The following CTBP1 variants were observed in gnomAD, a reference collection of about 807,000 sequenced individuals.
The protein encoded by CTBP1 is C-terminal-binding protein 1.
Under a neutral mutation model 42.1 loss-of-function variants are expected in CTBP1, and 11 were observed. That is an observed-to-expected ratio of 0.26 (90% CI 0.16 to 0.43). The LOEUF is 0.43. Ranked by LOEUF, CTBP1 falls within the 20% of genes least tolerant of loss-of-function variation. The pLI, the probability that CTBP1 is intolerant of heterozygous loss-of-function variation, is 1.00. For synonymous variants in CTBP1, 324 were observed against 277.1 expected (o/e 1.17, Z -1.68); for missense variants, 399 against 624.3 (o/e 0.64, Z 3.85).
At chr4:1,216,346 GC>G in intron 5 of CTBP1, 141 bp from the exon 6 acceptor site, 1 of 807,702 alleles carries the variant, frequency 1.2e-6, no homozygotes, top group Non-Finnish European at 1.9e-6. Flanking sequence ...AAGCCAAGGT[GC>G]CCACGCACGC....
At chr4:1,243,687 C>G in intron 1 of CTBP1, 1 of 985,466 alleles carries the variant, frequency 1.0e-6, no homozygotes, top group South Asian at 4.7e-5. Flanking sequence ...CGCCAGGGAG[C>G]TGGCCTCCTA....
chr4:1,213,387 G>A (rs543476667), intron 8 of CTBP1, 91 bp downstream of exon 8: 2 of 1,571,328 alleles, frequency 1.3e-6, no homozygotes, highest in East Asian at 4.5e-5. Context: ...GGCAGAACAT[G>A]GGCCTGGCTG....
At chr4:1,219,894 C>T (rs1167838692) in intron 5 of CTBP1, among the ~76,000 whole-genome samples, 3 of 152,204 alleles carry the variant, frequency 2.0e-5, no homozygotes, top group African/African-American at 7.2e-5. Flanking sequence ...GTATTTCTAC[C>T]TACTAATAAC....
Position 1,238,672 on chromosome 4 carries a change from A to G in CTBP1, c.8-335T>C, listed in dbSNP as rs1474663573. Among the ~76,000 whole-genome samples the G allele has an allele frequency of 6.8e-6, 1 of 147,246 alleles. No individual in the cohort carries two copies. The highest frequency in any genetic ancestry group is 2.0e-4 in the East Asian group (1 of 5,032). On this transcript the variant is annotated intron_variant, in intron 2 of 9. Coordinates refer to ENST00000382952, the MANE Select transcript of CTBP1 (RefSeq NM_001012614.2). This position sits in a 1 kb window ranked among gnomAD's most constrained non-coding sequence, Gnocchi z 5.9. Reference sequence around the variant, plus strand: ...CCTCTGAGACCCTCTCACACCCTCCAAGACCCTCCGAGACCCCCCAAGAAA... The same window carrying G: ...CCTCTGAGACCCTCTCACACCCTCCGAGACCCTCCGAGACCCCCCAAGAAA...
At chr4:1,243,993 T>C in intron 1 of CTBP1, 1 of 985,442 alleles carries the variant, frequency 1.0e-6, no homozygotes. Flanking sequence ...CCTATTTTCC[T>C]GTAAATCTAA....
At chr4:1,247,876 A>G (rs1157514316) in intron 1 of CTBP1, among the ~76,000 whole-genome samples, 3 of 152,050 alleles carry the variant, frequency 2.0e-5, no homozygotes, top group African/African-American at 7.2e-5. Context: ...CACTCAGGGC[A>G]CCGGGAAGGG....
chr4:1,228,403 C>G (rs528611249), intron 3 of CTBP1, 60 bp from the exon 4 acceptor site: 4 of 1,574,876 alleles, frequency 2.5e-6, no homozygotes, highest in Admixed American at 3.5e-5. Context: ...GCTTGGCCTT[C>G]GGGGGTGGGG....
intron 4 of CTBP1, among the ~76,000 whole-genome samples, chr4:1,226,503 C>G (rs1271936555): frequency 6.6e-6 from 1 of 151,484 alleles, no homozygotes; most frequent in Admixed American, 6.6e-5. Flanking sequence ...ACACAACTCA[C>G]TTGGACGTAA....
At position 1,218,766 on chromosome 4, in the gene CTBP1, A is replaced by C. The variant is rs1027714700; in HGVS notation, c.515-2561T>G. On this transcript the variant is annotated intron_variant, in intron 5 of 9. Transcript: ENST00000382952. ...GTTATGAAGGCGTATCCTAATCTCT[A>C]AAGTAAAACTAAACACGATCACTAA... Among the ~76,000 whole-genome samples the C allele has an allele frequency of 2.0e-5, 3 of 152,178 alleles. No homozygotes were observed. The South Asian group carries it at 6.2e-4, about 32-fold the overall frequency.
chr4:1,216,087 G>C lies in CTBP1; in HGVS notation c.633C>G (p.Thr211=). The part of the protein sequence containing the change: ...ERALGLQRVS[T]LQDLLFHSDC... ...CGCTGTGGAAGAGCAGGTCCTGCAG[G>C]GTGCTGACACGCTGCAGCCCCAGCG... The change falls in exon 6 of 10, where the codon ACC becomes ACG. Residue 211 remains threonine (T), a synonymous_variant. Transcript: ENST00000382952. 6.2e-7 allele frequency: 1 copy of C among 1,611,550 alleles called. No homozygotes were observed. The highest frequency in any genetic ancestry group is 8.5e-7 in the Non-Finnish European group (1 of 1,179,904).
chr4:1,248,477 C>G (rs1454894923), intron 1 of CTBP1, among the ~76,000 whole-genome samples: 1 of 150,648 alleles, frequency 6.6e-6, no homozygotes, highest in Non-Finnish European at 1.5e-5. Flanking sequence ...CAGGACACCC[C>G]GAGCTGCGCA....
At position 1,241,960 on chromosome 4, in the gene CTBP1, C is replaced by A. The variant is rs1647386253; in HGVS notation, c.-188-441G>T. ...GTCACTGATTCCCGGGCCTCTGTGA[C>A]CAGGCAAGGACGTGGAACTTCCCAG... On this transcript the variant is annotated intron_variant, in intron 1 of 9. Coordinates refer to ENST00000382952, the MANE Select transcript of CTBP1 (RefSeq NM_001012614.2). The A allele has an allele frequency of 9.8e-6, 10 of 1,022,604 alleles. No homozygotes were observed. The South Asian group carries it at 3.4e-4, about 35-fold the overall frequency. 63.3% of individuals were successfully genotyped at this position (1,022,604 alleles called of 1,614,324 possible).
chr4:1,248,869 G>GC, intron 1 of CTBP1, 47 bp downstream of exon 1: 2 of 319,330 alleles, frequency 6.3e-6, no homozygotes, highest in Non-Finnish European at 8.6e-6. Flanking sequence ...CACCCGCCCC[G>GC]CCCCGCCCCC....
At position 1,222,724 on chromosome 4, in the gene CTBP1, G is replaced by A. The variant is rs1044912028; in HGVS notation, c.514+2636C>T. ...ACCCCCACTCAGCACGGGGCCCTGGGAGGGGCTGGTTGGGCCCAGCTCCAC... is the reference window on the plus strand; with the variant it reads ...ACCCCCACTCAGCACGGGGCCCTGGAAGGGGCTGGTTGGGCCCAGCTCCAC... On this transcript the variant is annotated intron_variant, in intron 5 of 9. Transcript: ENST00000382952. 9.2e-5 allele frequency among the ~76,000 whole-genome samples: 14 copies of A among 152,292 alleles called. 1 individual carries two copies. The highest frequency in any genetic ancestry group is 1.9e-4 in the East Asian group (1 of 5,174).
Position 1,238,474 on chromosome 4 carries a change from T to TA in CTBP1, c.8-138dup, listed in dbSNP as rs1160771936. The TA allele has an allele frequency of 5.8e-5, 62 of 1,075,530 alleles. No homozygotes were observed. Among genetic ancestry groups the TA allele is most frequent in the Non-Finnish European group, 7.4e-5 (58 of 784,940 alleles). 66.6% of individuals were successfully genotyped at this position (1,075,530 alleles called of 1,614,324 possible). On this transcript the variant is annotated intron_variant, in intron 2 of 9. Coordinates refer to ENST00000382952, the MANE Select transcript of CTBP1 (RefSeq NM_001012614.2). The surrounding 1 kb of genome is among the most constrained non-coding windows in gnomAD (Gnocchi z 5.9). ...TCTGGTCTATATGTTGTGATATTTG[T>TA]AAAAAGTAAATTAAAAATCCACGTG...
At position 1,230,459 on chromosome 4, in the gene CTBP1, G is replaced by A. The variant is rs138423550; in HGVS notation, c.163-2116C>T. Among the ~76,000 whole-genome samples, 256 of 152,332 alleles carry A rather than the reference G, an allele frequency of 1.7e-3. 1 individual carries two copies. The highest frequency in any genetic ancestry group is 3.1e-3 in the Non-Finnish European group (210 of 68,018). On this transcript the variant is annotated intron_variant, in intron 3 of 9. Coordinates refer to ENST00000382952, the MANE Select transcript of CTBP1 (RefSeq NM_001012614.2). Reference sequence around the variant, plus strand: ...TGTGGGCAGGAGGGGCTGCGCATGCGAGCGGTGGGCAGAGGCGCAGTGGGA... The same window carrying A: ...TGTGGGCAGGAGGGGCTGCGCATGCAAGCGGTGGGCAGAGGCGCAGTGGGA...
At chr4:1,244,900 G>C (rs1732560353) in intron 1 of CTBP1, 1 of 985,312 alleles carries the variant, frequency 1.0e-6, no homozygotes, top group African/African-American at 1.7e-5. Context: ...GCTGTGCACA[G>C]CCTGACCCGG....
intron 3 of CTBP1, among the ~76,000 whole-genome samples, chr4:1,230,476 G>A (rs1010441154): frequency 7.2e-5 from 11 of 152,180 alleles, no homozygotes; most frequent in Admixed American, 3.3e-4. Context: ...GGGCAGAGGC[G>A]CAGTGGGAGA....
At chr4:1,223,381 C>A (rs576450417) in intron 5 of CTBP1, 1 of 452,738 alleles carries the variant, frequency 2.2e-6, no homozygotes, top group East Asian at 7.0e-5. Flanking sequence ...GAGACAGGCA[C>A]GTGTTCCATG....
Sources: allele counts gnomAD v4.1 joint callset (sites outside exome capture counted in the v4.1 genomes callset), GRCh38; gene constraint gnomAD v4.1.1; non-coding constraint Gnocchi (gnomAD v3.1); transcripts MANE v1.5; gene names NCBI Gene and HGNC (gene_info 2026-07-23, HGNC 2026-07-21).